The following FOXP2 variants were observed in gnomAD, a reference collection of about 807,000 sequenced individuals.
FOXP2 encodes forkhead box protein P2.
FOXP2 carries 12 observed loss-of-function variants against 115.8 expected under a neutral mutation model. The observed-to-expected ratio is 0.10, with a 90% CI of 0.07 to 0.17. The LOEUF (loss-of-function observed/expected upper bound fraction) is 0.17, where lower values mean the gene tolerates loss of function less well. Ranked by LOEUF, FOXP2 falls within the 10% of genes least tolerant of loss-of-function variation. FOXP2 has a pLI of 1.00. For missense variants in FOXP2, 629 were observed against 843.5 expected (o/e 0.75, Z 3.15); for synonymous variants, 328 against 297.7 (o/e 1.10, Z -1.05).
intron 1 of FOXP2, among the ~76,000 whole-genome samples, chr7:114,260,850 A>T (rs1411157407): frequency 6.6e-6 from 1 of 152,136 alleles, no homozygotes; most frequent in Non-Finnish European, 1.5e-5. Context: ...GCATTAAAAA[A>T]AAAATATTCC....
At chr7:114,623,605 A>G (rs1268219718) in intron 3 of FOXP2, among the ~76,000 whole-genome samples, 1 of 151,942 alleles carries the variant, frequency 6.6e-6, no homozygotes, top group Non-Finnish European at 1.5e-5. Context: ...TGACACGCCT[A>G]TATGAGCAGT....
chr7:114,554,093 A>T (rs1255083177), intron 3 of FOXP2, among the ~76,000 whole-genome samples: 1 of 152,104 alleles, frequency 6.6e-6, no homozygotes, highest in Admixed American at 6.5e-5. Context: ...ATTATTTGGT[A>T]TTATGCTTAT....
intron 11 of FOXP2, 71 bp downstream of exon 11, chr7:114,658,338 T>G: frequency 6.9e-7 from 1 of 1,459,036 alleles, no homozygotes; most frequent in Non-Finnish European, 9.5e-7. Flanking sequence ...CAACTGTACA[T>G]GAGCCATTCC....
In FOXP2 at chr7:114,610,175, G is replaced by A. The variant is rs531451903; in HGVS notation, c.259-18365G>A. ...TTTATACTTTATTCAATTATTCATAGTTAACATGCTATGGTAACTAAAATT... is the reference window on the plus strand; with the variant it reads ...TTTATACTTTATTCAATTATTCATAATTAACATGCTATGGTAACTAAAATT... On this transcript the variant is annotated intron_variant, in intron 3 of 16. Transcript: ENST00000350908. 3.0e-4 allele frequency among the ~76,000 whole-genome samples: 45 copies of A among 152,316 alleles called. 1 individual carries two copies. The South Asian group carries it at 8.7e-3, about 29-fold the overall frequency.
chr7:114,199,868 C>T (rs1440245074), intron 1 of FOXP2, among the ~76,000 whole-genome samples: 1 of 152,050 alleles, frequency 6.6e-6, no homozygotes, highest in Non-Finnish European at 1.5e-5. Context: ...TGATATACAA[C>T]ACAGCTGTTG....
At position 114,184,492 on chromosome 7, in the gene FOXP2, A is replaced by G. The variant is rs114779897; in HGVS notation, c.-102+21404A>G. On this transcript the variant is annotated intron_variant, in intron 1 of 17. Transcript: ENST00000634411. ...TAAGCATAAATGATTTATGGAGAGA[A>G]TAACACATTAAGCAATTTTTAGTCA... Among the ~76,000 whole-genome samples the G allele has an allele frequency of 3.9e-3, 596 of 152,304 alleles. 2 individuals carry two copies. Among genetic ancestry groups the G allele is most frequent in the African/African-American group, 0.013 (557 of 41,566 alleles).
At chr7:114,458,546 C>CCT (rs1795420961) in intron 2 of FOXP2, among the ~76,000 whole-genome samples, 1 of 113,420 alleles carries the variant, frequency 8.8e-6, no homozygotes, top group Non-Finnish European at 1.8e-5. Flanking sequence ...ATTTTCTTTT[C>CCT]TTTTTTTTTT....
intron 2 of FOXP2, among the ~76,000 whole-genome samples, chr7:114,497,340 A>G (rs1169936529): frequency 6.6e-6 from 1 of 152,164 alleles, no homozygotes; most frequent in Non-Finnish European, 1.5e-5. Context: ...AAAATACATA[A>G]AGGTCACTTT....
At chr7:114,343,979 G>A (rs892155110) in intron 2 of FOXP2, among the ~76,000 whole-genome samples, 9 of 143,294 alleles carry the variant, frequency 6.3e-5, no homozygotes, top group Non-Finnish European at 1.4e-4. Flanking sequence ...AGGGATTTTT[G>A]CACATTAATT....
intron 2 of FOXP2, among the ~76,000 whole-genome samples, chr7:114,305,322 G>A (rs554818876): frequency 6.6e-6 from 1 of 152,180 alleles, no homozygotes; most frequent in South Asian, 2.1e-4. Context: ...CATTTCATCA[G>A]CTTCATAATT....
intron 2 of FOXP2, among the ~76,000 whole-genome samples, chr7:114,528,774 GA>G (rs945925122): frequency 1.6e-3 from 227 of 142,760 alleles, no homozygotes; most frequent in Middle Eastern, 3.6e-3. Context: ...GTCTCATAAT[GA>G]AAAAAAAAAC....
At chr7:114,634,005 C>T (rs531102171) in intron 6 of FOXP2, among the ~76,000 whole-genome samples, 3,730 of 148,094 alleles carry the variant, frequency 0.025, 149 homozygotes, top group African/African-American at 0.087. Context: ...TGTATCTTTT[C>T]TTTTTTTTTT....
intron 2 of FOXP2, among the ~76,000 whole-genome samples, chr7:114,497,601 A>T (rs1797376832): frequency 6.6e-6 from 1 of 152,122 alleles, no homozygotes; most frequent in East Asian, 1.9e-4. Context: ...GTGAGCTGAG[A>T]CCGTGCCACT....
chr7:114,344,504 C>T (rs1418901022), intron 2 of FOXP2, among the ~76,000 whole-genome samples: 1 of 151,778 alleles, frequency 6.6e-6, no homozygotes, highest in Non-Finnish European at 1.5e-5. Context: ...GCACTGTGGA[C>T]TATTTCGGTT....
At chr7:114,549,957 T>C (rs1800117829) in intron 3 of FOXP2, among the ~76,000 whole-genome samples, 1 of 152,040 alleles carries the variant, frequency 6.6e-6, no homozygotes, top group Admixed American at 6.6e-5. Context: ...TTCTTCTAAC[T>C]TTAATTTTAA....
intron 3 of FOXP2, among the ~76,000 whole-genome samples, chr7:114,581,967 TAG>T (rs1338766035): frequency 2.0e-5 from 3 of 152,112 alleles, no homozygotes; most frequent in African/African-American, 7.2e-5. Flanking sequence ...AAGAAGTACA[TAG>T]AGATTACAAA....
chr7:114,588,091 C>G (rs1470321572), intron 3 of FOXP2, among the ~76,000 whole-genome samples: 1 of 151,508 alleles, frequency 6.6e-6, no homozygotes, highest in African/African-American at 2.4e-5. Flanking sequence ...GAGCGGATCA[C>G]GAGGTCAGGA....
At chr7:114,122,516 C>T (rs1791593668) in intron 1 of FOXP2, among the ~76,000 whole-genome samples, 1 of 151,266 alleles carries the variant, frequency 6.6e-6, no homozygotes, top group African/African-American at 2.4e-5. Context: ...CTTGCTTTTC[C>T]ATTGATCTGG....
chr7:114,216,728 G>A (rs1162812921), intron 1 of FOXP2, among the ~76,000 whole-genome samples: 1 of 151,926 alleles, frequency 6.6e-6, no homozygotes, highest in Non-Finnish European at 1.5e-5. Flanking sequence ...TTGCTATGCT[G>A]TTCAATTTTG....
Sources: allele counts gnomAD v4.1 joint callset (sites outside exome capture counted in the v4.1 genomes callset), GRCh38; gene constraint gnomAD v4.1.1; transcripts MANE v1.5; gene names NCBI Gene and HGNC (gene_info 2026-07-23, HGNC 2026-07-21).